Variants in RANBP2 observed in about 807,000 individuals in gnomAD.
RANBP2 encodes E3 SUMO-protein ligase RanBP2.
A neutral mutation model predicts 303.6 loss-of-function variants in RANBP2; 57 were observed. That is an observed-to-expected ratio of 0.19 (90% CI 0.15 to 0.23). The LOEUF is 0.23. RANBP2 is among the 10% of genes least tolerant of loss of function. RANBP2 has a pLI of 1.00. For synonymous variants in RANBP2, 1,167 were observed against 1,301.5 expected, an observed-to-expected ratio of 0.90 and a Z score of 2.23; for missense variants, 3,138 against 3,780.8, an observed-to-expected ratio of 0.83 and a Z score of 4.46.
At chr2:109,326,305 G>A in the RANBP2 span, among the ~76,000 whole-genome samples, 41,577 of 152,008 alleles carry the variant, frequency 0.27, 7,382 homozygotes, top group African/African-American at 0.5. Flanking sequence ...ATGGATCTGA[G>A]TATATCATAG....
chr2:108,780,545 TTA>T (rs1678180651), intron 25 of RANBP2, among the ~76,000 whole-genome samples: 1 of 149,062 alleles, frequency 6.7e-6, no homozygotes, highest in Non-Finnish European at 1.5e-5. Flanking sequence ...TTTTTTTTTT[TTA>T]AAGACAGAAT....
intron 1 of RANBP2, among the ~76,000 whole-genome samples, chr2:108,724,297 G>A (rs1694521078): frequency 1.3e-5 from 2 of 152,152 alleles, no homozygotes; most frequent in Non-Finnish European, 2.9e-5. Context: ...TGAGTAGTGG[G>A]ATTACAGGTG....
the RANBP2 span, among the ~76,000 whole-genome samples, chr2:109,528,789 G>A: frequency 1.9e-3 from 284 of 152,286 alleles, 1 homozygote; most frequent in African/African-American, 6.6e-3. Flanking sequence ...TTGCCAATCA[G>A]CCCATCTTGA....
the RANBP2 span, among the ~76,000 whole-genome samples, chr2:109,688,295 C>T: frequency 6.6e-6 from 1 of 152,274 alleles, no homozygotes; most frequent in South Asian, 2.1e-4. Context: ...GGACAAGCTG[C>T]TGTATAGACT....
At chr2:109,283,959 T>C in the RANBP2 span, among the ~76,000 whole-genome samples, 1 of 152,194 alleles carries the variant, frequency 6.6e-6, no homozygotes, top group Non-Finnish European at 1.5e-5. Flanking sequence ...GCCTCCCTCC[T>C]GTCCCCACAC....
chr2:109,405,484 G>C, the RANBP2 span, among the ~76,000 whole-genome samples: 1 of 152,104 alleles, frequency 6.6e-6, no homozygotes, highest in Non-Finnish European at 1.5e-5. Context: ...AGCCTGTGCA[G>C]ATCTTCTCCC....
At chr2:109,164,841 C>T in the RANBP2 span, among the ~76,000 whole-genome samples, 1 of 152,204 alleles carries the variant, frequency 6.6e-6, no homozygotes, top group Admixed American at 6.5e-5. Flanking sequence ...CTTCCCCTTT[C>T]TTCCTGTTTC....
chr2:109,106,020 ATTT>A, the RANBP2 span, among the ~76,000 whole-genome samples: 1 of 142,956 alleles, frequency 7.0e-6, no homozygotes, highest in African/African-American at 2.6e-5. Flanking sequence ...TGCCCGGCTA[ATTT>A]TTTTTTTTTT....
the RANBP2 span, among the ~76,000 whole-genome samples, chr2:108,958,129 C>G: frequency 6.6e-6 from 1 of 152,152 alleles, no homozygotes; most frequent in Non-Finnish European, 1.5e-5. Flanking sequence ...CACTTTCATC[C>G]TCCTCCAGGC....
At chr2:109,088,686 A>G in the RANBP2 span, among the ~76,000 whole-genome samples, 2 of 151,862 alleles carry the variant, frequency 1.3e-5, no homozygotes, top group African/African-American at 4.8e-5. Context: ...TAATTTTTGT[A>G]TTTTTAGAAG....
chr2:109,243,842 C>T, the RANBP2 span, among the ~76,000 whole-genome samples: 6 of 152,276 alleles, frequency 3.9e-5, no homozygotes, highest in Non-Finnish European at 7.4e-5. Flanking sequence ...CAGGACAATA[C>T]GTGATCTGGT....
At chr2:109,101,733 C>G in the RANBP2 span, among the ~76,000 whole-genome samples, 1 of 152,142 alleles carries the variant, frequency 6.6e-6, no homozygotes, top group African/African-American at 2.4e-5. Flanking sequence ...GACAGAGCAA[C>G]AGGAGGAAAG....
the RANBP2 span, among the ~76,000 whole-genome samples, chr2:109,018,991 A>C: frequency 6.6e-6 from 1 of 152,250 alleles, no homozygotes; most frequent in African/African-American, 2.4e-5. Flanking sequence ...AGTATAGCCA[A>C]AAATGCATTT....
At chr2:109,632,326 G>C in the RANBP2 span, among the ~76,000 whole-genome samples, 1 of 152,194 alleles carries the variant, frequency 6.6e-6, no homozygotes, top group Non-Finnish European at 1.5e-5. Flanking sequence ...TTTGGAGTCA[G>C]AGTACAATTG....
the RANBP2 span, among the ~76,000 whole-genome samples, chr2:109,574,341 G>C: frequency 6.6e-6 from 1 of 150,946 alleles, no homozygotes; most frequent in Non-Finnish European, 1.5e-5. Flanking sequence ...AGCTACCTGG[G>C]AAGCTGAGGC....
the RANBP2 span, among the ~76,000 whole-genome samples, chr2:109,554,524 C>G: frequency 2.0e-5 from 3 of 152,264 alleles, no homozygotes; most frequent in East Asian, 1.9e-4. Flanking sequence ...ACACCACCCC[C>G]ACCCAACTCA....
chr2:108,721,364 A>T (rs556097047), intron 1 of RANBP2, among the ~76,000 whole-genome samples: 2 of 152,222 alleles, frequency 1.3e-5, no homozygotes, highest in African/African-American at 4.8e-5. Flanking sequence ...TAGTATAAAT[A>T]TGAATGTGAT....
the RANBP2 span, among the ~76,000 whole-genome samples, chr2:109,712,418 A>G: frequency 1.3e-5 from 2 of 152,046 alleles, no homozygotes; most frequent in Non-Finnish European, 1.5e-5. Context: ...CTTTTCCACT[A>G]TAAAAAATTA....
At chr2:109,212,434 A>G in the RANBP2 span, among the ~76,000 whole-genome samples, 1 of 152,250 alleles carries the variant, frequency 6.6e-6, no homozygotes, top group African/African-American at 2.4e-5. Flanking sequence ...ACAAGGAAAA[A>G]CAATACAAAA....
Sources: allele counts gnomAD v4.1 joint callset (sites outside exome capture counted in the v4.1 genomes callset), GRCh38; gene constraint gnomAD v4.1.1; transcripts MANE v1.5; gene names NCBI Gene and HGNC (gene_info 2026-07-23, HGNC 2026-07-21).